The following GRM5 variants were observed in gnomAD, a reference collection of about 807,000 sequenced individuals.
GRM5 encodes glutamate metabotropic receptor 5.
A neutral mutation model predicts 83.1 loss-of-function variants in GRM5; 19 were observed. The observed-to-expected ratio is 0.23, with a 90% CI of 0.16 to 0.34. The LOEUF (loss-of-function observed/expected upper bound fraction) is 0.34. GRM5 is among the 10% of genes least tolerant of loss of function. The pLI, the probability that GRM5 is intolerant of heterozygous loss-of-function variation, is 1.00. For missense variants in GRM5, 1,160 were observed against 1,588.3 expected (o/e 0.73, Z 4.58); for synonymous variants, 675 against 633.6 (o/e 1.07, Z -0.98).
chr11:88,871,025 C>G (rs993297312), intron 2 of GRM5, among the ~76,000 whole-genome samples: 2 of 151,294 alleles, frequency 1.3e-5, no homozygotes, highest in African/African-American at 2.4e-5. Flanking sequence ...ATGAAAACAC[C>G]ACTATGTACT....
intron 8 of GRM5, among the ~76,000 whole-genome samples, chr11:88,559,376 G>T (rs988102839): frequency 2.0e-5 from 3 of 152,136 alleles, no homozygotes; most frequent in African/African-American, 7.2e-5. Flanking sequence ...CAGCTTAAAG[G>T]TTACCTGAGT....
chr11:88,851,319 C>A (rs1309288579), intron 2 of GRM5, among the ~76,000 whole-genome samples: 1 of 152,038 alleles, frequency 6.6e-6, no homozygotes, highest in Non-Finnish European at 1.5e-5. Flanking sequence ...ACAAGATAAC[C>A]AAGCTGTAGA....
At chr11:88,747,205 A>C (rs1942163099) in intron 3 of GRM5, among the ~76,000 whole-genome samples, 1 of 152,176 alleles carries the variant, frequency 6.6e-6, no homozygotes, top group Non-Finnish European at 1.5e-5. Flanking sequence ...ACTGTTTCCA[A>C]AAACACAGCT....
At chr11:88,651,679 T>C (rs1939636514) in intron 4 of GRM5, among the ~76,000 whole-genome samples, 1 of 152,072 alleles carries the variant, frequency 6.6e-6, no homozygotes, top group African/African-American at 2.4e-5. Context: ...TGGTCAGAGT[T>C]ACAAGGATCT....
At chr11:88,536,776 T>C (rs546588498) in intron 8 of GRM5, among the ~76,000 whole-genome samples, 1 of 152,322 alleles carries the variant, frequency 6.6e-6, no homozygotes, top group African/African-American at 2.4e-5. Flanking sequence ...CATTGCATCT[T>C]ATTCTACAGA....
chr11:88,770,643 G>A (rs1942715226), intron 3 of GRM5, among the ~76,000 whole-genome samples: 1 of 152,106 alleles, frequency 6.6e-6, no homozygotes. Flanking sequence ...TTATTACTAT[G>A]TGATGGATGG....
intron 2 of GRM5, among the ~76,000 whole-genome samples, chr11:89,009,919 A>AAAC (rs57056964): frequency 0.036 from 4,582 of 126,412 alleles, 369 homozygotes; most frequent in African/African-American, 0.11. Flanking sequence ...AAAAAAAAAA[A>AAAC]AAAAAAAAAA....
intron 3 of GRM5, among the ~76,000 whole-genome samples, chr11:88,735,803 C>T (rs1352990775): frequency 6.6e-6 from 1 of 152,062 alleles, no homozygotes; most frequent in African/African-American, 2.4e-5. Context: ...TGCGTTAATA[C>T]TGTCCTTCAC....
At chr11:88,722,916 G>A (rs976622627) in intron 3 of GRM5, among the ~76,000 whole-genome samples, 1 of 151,974 alleles carries the variant, frequency 6.6e-6, no homozygotes, top group Non-Finnish European at 1.5e-5. Context: ...TGTTGTACAT[G>A]CTATGGCTTT....
intron 3 of GRM5, among the ~76,000 whole-genome samples, chr11:88,841,740 C>A (rs1165820865): frequency 6.6e-6 from 1 of 152,198 alleles, no homozygotes; most frequent in Non-Finnish European, 1.5e-5. Flanking sequence ...TTCTCTTCTT[C>A]TTGGGAGCAG....
intron 3 of GRM5, among the ~76,000 whole-genome samples, chr11:88,689,813 G>T (rs1184405843): frequency 2.0e-5 from 3 of 152,172 alleles, no homozygotes; most frequent in Admixed American, 1.3e-4. Flanking sequence ...TGGCTGTGGA[G>T]CATAGCGATA....
chr11:88,773,651 G>A (rs1467344328), intron 3 of GRM5, among the ~76,000 whole-genome samples: 1 of 152,158 alleles, frequency 6.6e-6, no homozygotes, highest in Non-Finnish European at 1.5e-5. Context: ...AAGGGATCCA[G>A]TTTCAGCTTT....
At chr11:88,832,349 T>C (rs1002467237) in intron 3 of GRM5, among the ~76,000 whole-genome samples, 1 of 151,844 alleles carries the variant, frequency 6.6e-6, no homozygotes, top group African/African-American at 2.4e-5. Context: ...GAGGAGAAAA[T>C]AAAGAAGGCA....
chr11:88,563,750 T>C (rs954364458), intron 8 of GRM5, among the ~76,000 whole-genome samples: 5 of 152,200 alleles, frequency 3.3e-5, no homozygotes, highest in Non-Finnish European at 7.4e-5. Context: ...TGTAAAAATA[T>C]TAGAAATACC....
chr11:89,060,996 A>G (rs996770350), intron 1 of GRM5, among the ~76,000 whole-genome samples: 5 of 152,156 alleles, frequency 3.3e-5, no homozygotes, highest in Non-Finnish European at 5.9e-5. Context: ...ACATATTTCT[A>G]AAGTGCAGAA....
At chr11:88,610,165 G>T (rs150668013) in intron 4 of GRM5, among the ~76,000 whole-genome samples, 4,821 of 152,282 alleles carry the variant, frequency 0.032, 239 homozygotes, top group Admixed American at 0.14. Context: ...GTTGGGTAGT[G>T]TGATGCCTCT....
At chr11:88,778,504 T>A (rs1406279185) in intron 3 of GRM5, among the ~76,000 whole-genome samples, 1 of 152,176 alleles carries the variant, frequency 6.6e-6, no homozygotes, top group Non-Finnish European at 1.5e-5. Context: ...GCACTTCAGT[T>A]GGAAATGCAG....
intron 4 of GRM5, among the ~76,000 whole-genome samples, chr11:88,642,244 G>T (rs4753631): frequency 0.68 from 103,576 of 152,010 alleles, 41,231 homozygotes; most frequent in Non-Finnish European, 0.9. Context: ...CACAGCTAGA[G>T]CTTGAGTGGC....
At position 88,868,257 on chromosome 11, in the gene GRM5, C is replaced by T. The variant is rs187802694; in HGVS notation, c.662-18102G>A. On this transcript the variant is annotated intron_variant, in intron 2 of 9. Transcript: ENST00000305447. The stretch of plus-strand genomic sequence containing the variant: ...ATAAAGAGCTCTTATGAGAATGGCT[C>T]TGAAATTAGATGAAATTTGAACTTC... Among the ~76,000 whole-genome samples, 564 of 151,950 alleles carry T rather than the reference C, an allele frequency of 3.7e-3. 11 individuals carry two copies. The highest frequency in any genetic ancestry group is 0.031 in the Admixed American group (468 of 15,186).
Sources: gnomAD v4.1 joint callset for allele counts (sites outside exome capture counted in the v4.1 genomes callset) on GRCh38, gnomAD v4.1.1 for gene constraint, MANE v1.5 for transcripts, NCBI Gene and HGNC (gene_info 2026-07-23, HGNC 2026-07-21) for gene names.